VSIG1: variants seen among roughly 807,000 people sequenced by gnomAD.
VSIG1 encodes the protein V-set and immunoglobulin domain containing 1.
Under a neutral mutation model 20.1 loss-of-function variants are expected in VSIG1, and 11 were observed. That is an observed-to-expected ratio of 0.55 (90% CI 0.34 to 0.91). The LOEUF (loss-of-function observed/expected upper bound fraction) is 0.91. Among genes scored for constraint, VSIG1 ranks in the 40% least tolerant of loss-of-function variants. The pLI is 0.02. For synonymous variants in VSIG1, 126 were observed against 116.7 expected (o/e 1.08, Z -0.52); for missense variants, 283 against 298.8 (o/e 0.95, Z 0.39).
At chrX:108,029,564 G>A in the VSIG1 span, among the ~76,000 whole-genome samples, 2 of 112,132 alleles carry the variant, frequency 1.8e-5, no homozygotes, top group Non-Finnish European at 3.8e-5. Flanking sequence ...TGTGCAGATT[G>A]TTGTTGGAGT....
At chrX:108,061,742 A>ACC (rs2031031038) in intron 2 of VSIG1, among the ~76,000 whole-genome samples, 1 of 109,483 alleles carries the variant, frequency 9.1e-6, no homozygotes. Context: ...AAGGCTCAGG[A>ACC]CCCTATTGCT....
rs1569287100 is a variant in VSIG1, at chrX:108,047,847, T to TATATATACACATATATATATATAC, written c.49+2675_49+2676insCACATATATATATATACATATATA. Among the ~76,000 whole-genome samples the TATATATACACATATATATATATAC allele has an allele frequency of 4.4e-4, 16 of 36,072 alleles. 3 individuals carry two copies. Among genetic ancestry groups the TATATATACACATATATATATATAC allele is most frequent in the African/African-American group, 2.2e-3 (16 of 7,374 alleles). 31.3% of individuals were successfully genotyped at this position (36,072 alleles called of 115,157 possible). ...ATATATATACACATATATATATACA[T>TATATATACACATATATATATATAC]ATATATATACACATATATATATACA... On this transcript the variant is annotated intron_variant, in intron 1 of 6. Transcript: ENST00000217957.
intron 2 of VSIG1, among the ~76,000 whole-genome samples, chrX:108,065,142 A>G (rs1220528760): frequency 8.9e-6 from 1 of 112,326 alleles, no homozygotes; most frequent in African/African-American, 3.2e-5. Context: ...TTTTTCCCTC[A>G]AAATCCAGCT....
the VSIG1 span, among the ~76,000 whole-genome samples, chrX:108,034,813 T>G: frequency 8.9e-6 from 1 of 111,983 alleles, no homozygotes; most frequent in African/African-American, 3.3e-5. Context: ...TGGCAGAGCC[T>G]AAGTTTAAAG....
Position 108,076,214 on chromosome X carries a change from C to T in VSIG1, c.826C>T (p.Leu276Phe). ...KERNSKTIAE[L>F]EPMTKINPRG... is the part of the protein sequence containing the mutation. The stretch of plus-strand genomic sequence containing the variant: ...AAGAAATTCTAAGACCATCGCGGAA[C>T]TTGAGTAAGCCTTCATTTTGTTGTC... The change falls in exon 6 of 7, where the codon CTT (leucine) becomes TTT (phenylalanine). Residue 276 changes from leucine to phenylalanine, a missense_variant. Transcript: ENST00000217957. 8.3e-7 allele frequency: 1 copy of T among 1,207,137 alleles called. No homozygotes were observed. Among genetic ancestry groups the T allele is most frequent in the Non-Finnish European group, 1.1e-6 (1 of 893,100 alleles).
the VSIG1 span, among the ~76,000 whole-genome samples, chrX:108,037,646 T>C: frequency 8.9e-6 from 1 of 112,426 alleles, no homozygotes; most frequent in Non-Finnish European, 1.9e-5. Flanking sequence ...TTAAAAAACA[T>C]TTCACCTTAT....
At chrX:108,047,799 T>TATATATATACATATATATAC (rs2030624106) in intron 1 of VSIG1, among the ~76,000 whole-genome samples, 4 of 68,546 alleles carry the variant, frequency 5.8e-5, no homozygotes, top group Non-Finnish European at 1.1e-4. Context: ...TCTATATATA[T>TATATATATACATATATATAC]ATATATATAC....
chrX:108,047,969 T>TATACACATATATATATATATATACAC (rs2030685999), intron 1 of VSIG1, among the ~76,000 whole-genome samples: 6 of 43,073 alleles, frequency 1.4e-4, no homozygotes, highest in Admixed American at 2.4e-4. Context: ...CACATATATA[T>TATACACATATATATATATATATACAC]ATATATATAT....
intron 2 of VSIG1, among the ~76,000 whole-genome samples, chrX:108,059,551 A>C (rs1184362279): frequency 8.9e-6 from 1 of 111,971 alleles, no homozygotes; most frequent in African/African-American, 3.2e-5. Context: ...AAAGCTCTGT[A>C]AGTTTTATCC....
At chrX:108,043,488 G>C (rs2030512896), upstream of VSIG1, among the ~76,000 whole-genome samples, 1 of 112,221 alleles carries the variant, frequency 8.9e-6, no homozygotes, top group Non-Finnish European at 1.9e-5. Context: ...AATAATCAAT[G>C]GTCAGCTGTA....
chrX:108,064,009 G>T (rs910878337), intron 2 of VSIG1, among the ~76,000 whole-genome samples: 1 of 112,454 alleles, frequency 8.9e-6, no homozygotes, highest in African/African-American at 3.2e-5. Flanking sequence ...ACAGGATCAT[G>T]GGCCAGGCTT....
rs373215766 is a variant in VSIG1 at position 108,077,171 on chromosome X, A to G, written c.954A>G (p.Pro318=). The G allele has an allele frequency of 1.7e-5, 20 of 1,210,463 alleles. No homozygotes were observed. The African/African-American group carries it at 3.3e-4, about 20-fold the overall frequency. The change falls in exon 7 of 7, where the codon CCA becomes CCG. Residue 318 remains proline, a synonymous_variant. Transcript: ENST00000217957. ...CTGGCCCTGATACCATCCAAGAACC[A>G]GACTATGAGCCAAAGCCTACTCAGG... ...HETGPDTIQE[P]DYEPKPTQEP...
rs775428747 is a variant in VSIG1, at chrX:108,066,998, G to A, written c.276G>A (p.Gly92=). The A allele has an allele frequency of 1.7e-6, 2 of 1,211,059 alleles. No homozygotes were observed. Among genetic ancestry groups the A allele is most frequent in the Non-Finnish European group, 2.2e-6 (2 of 895,211 alleles). ...GGCAATTTAAAGATCGAATTACAGG[G>A]TCCAACGATCCAGGTAATGCATCTA... The part of the protein sequence containing the change: ...AIGQFKDRIT[G]SNDPGNASIT... The change falls in exon 3 of 7, where the codon GGG becomes GGA. Residue 92 remains glycine, a synonymous_variant. Transcript: ENST00000217957.
chrX:108,047,987 T>TACAC (rs2030693710), intron 1 of VSIG1, among the ~76,000 whole-genome samples: 2 of 72,572 alleles, frequency 2.8e-5, no homozygotes, highest in Non-Finnish European at 4.9e-5. Flanking sequence ...TATATATATA[T>TACAC]ATATATATAT....
chrX:108,057,933 A>G, intron 1 of VSIG1, 105 bp from the exon 2 acceptor site: 1 of 818,844 alleles, frequency 1.2e-6, no homozygotes, highest in South Asian at 3.3e-5. Flanking sequence ...TCTTCCCCTC[A>G]CCTTGGATTC....
At chrX:108,028,988 A>G in the VSIG1 span, among the ~76,000 whole-genome samples, 2 of 111,721 alleles carry the variant, frequency 1.8e-5, no homozygotes, top group Non-Finnish European at 3.8e-5. Context: ...TCCAAAGACA[A>G]TTGAGGATAC....
At chrX:108,038,670 T>C in the VSIG1 span, among the ~76,000 whole-genome samples, 1 of 112,180 alleles carries the variant, frequency 8.9e-6, no homozygotes, top group Non-Finnish European at 1.9e-5. Flanking sequence ...CATGGAATAC[T>C]ATGCAGCTTA....
intron 3 of VSIG1, among the ~76,000 whole-genome samples, chrX:108,070,227 C>CT (rs989154912): frequency 4.5e-5 from 5 of 110,106 alleles, no homozygotes; most frequent in Admixed American, 9.6e-5. Flanking sequence ...TTTCTTTTTT[C>CT]TTTTTTTTTC....
At chrX:108,052,749 T>C (rs1399526041) in intron 1 of VSIG1, among the ~76,000 whole-genome samples, 1 of 112,122 alleles carries the variant, frequency 8.9e-6, no homozygotes, top group Non-Finnish European at 1.9e-5. Flanking sequence ...CCCATAAATA[T>C]ATGCAATAAT....
Sources: allele counts gnomAD v4.1 joint callset (sites outside exome capture counted in the v4.1 genomes callset), GRCh38; gene constraint gnomAD v4.1.1; transcripts MANE v1.5; gene names NCBI Gene and HGNC (gene_info 2026-07-23, HGNC 2026-07-21).